Variants in PDLIM2 observed in about 807,000 individuals in gnomAD.
PDLIM2 encodes PDZ and LIM domain 2.
PDLIM2 carries 51 observed loss-of-function variants against 54.1 expected under a neutral mutation model. The observed-to-expected ratio is 0.94, with a 90% CI of 0.75 to 1.19. The LOEUF (loss-of-function observed/expected upper bound fraction) is 1.19. Ranked by LOEUF, PDLIM2 falls within the 50% of genes most tolerant of loss-of-function variation. PDLIM2 has a pLI of 0.00. For missense variants in PDLIM2, 912 were observed against 874.0 expected, an observed-to-expected ratio of 1.04 and a Z score of -0.55; for synonymous variants, 398 against 385.6, an observed-to-expected ratio of 1.03 and a Z score of -0.38.
exon 7 of PDLIM2, chr8:22,589,309 C>T (rs1446934188): frequency 2.2e-5 from 33 of 1,533,968 alleles, no homozygotes; most frequent in Non-Finnish European, 2.9e-5. Context: ...CCGGCCTCGG[C>T]CGCGCTGGCG....
Position 22,594,054 on chromosome 8 carries a change from A to G in PDLIM2, c.*144A>G, listed in dbSNP as rs1175919044. The G allele has an allele frequency of 4.8e-6, 7 of 1,447,882 alleles. No homozygotes were observed. In the African/African-American group the frequency reaches 7.1e-5, roughly 15 times the overall value. The allele number at this position is 1,447,882 out of a possible 1,614,324, so 89.7% of individuals were successfully genotyped here. ...CCCCTTTGTCCTCGCTGGGTGGGCCAAGGTCTGGGACCTGTCTTGGACTGT... is the reference window on the plus strand; with the variant it reads ...CCCCTTTGTCCTCGCTGGGTGGGCCGAGGTCTGGGACCTGTCTTGGACTGT... On this transcript the variant is annotated 3_prime_UTR_variant, in exon 10 of 10. Coordinates refer to ENST00000308354, the Ensembl canonical transcript of PDLIM2.
At chr8:22,591,165 C>A in intron 8 of PDLIM2, 1 of 270,676 alleles carries the variant, frequency 3.7e-6, no homozygotes, top group Admixed American at 5.1e-5. Flanking sequence ...GGCTTGAGAG[C>A]TCAGATGTGA....
chr8:22,579,568 C>G (rs1800131143), intron 1 of PDLIM2: 3 of 1,435,886 alleles, frequency 2.1e-6, no homozygotes, highest in Non-Finnish European at 1.8e-6. Flanking sequence ...GCCTCGGGGA[C>G]TGGGGTGGGG....
In PDLIM2 at chr8:22,579,703, G is replaced by C. The variant is rs1586917061; in HGVS notation, c.748+176G>C. The stretch of plus-strand genomic sequence containing the variant: ...TGCGTCCCCAGGGCAGCCCCAGGAT[G>C]GGTGCTGGGCAGGGTGGTGCCCAGC... On this transcript the variant is annotated intron_variant, in intron 1 of 9. Coordinates refer to ENST00000308354, the Ensembl canonical transcript of PDLIM2. 3 of 759,614 alleles carry C rather than the reference G, an allele frequency of 3.9e-6. No individual in the cohort carries two copies. The East Asian group carries it at 1.0e-4, about 26-fold the overall frequency. 47.1% of individuals were successfully genotyped at this position (759,614 alleles called of 1,614,324 possible).
chr8:22,585,936 G>A (rs1800370135), intron 6 of PDLIM2, among the ~76,000 whole-genome samples: 2 of 151,714 alleles, frequency 1.3e-5, no homozygotes, highest in South Asian at 4.2e-4. Context: ...CAGCTCCCCT[G>A]GACTCTCTTT....
At chr8:22,579,345 C>A in exon 1 of PDLIM2, 1 of 1,465,550 alleles carries the variant, frequency 6.8e-7, no homozygotes, top group African/African-American at 1.5e-5. Context: ...TGGAGCCTCG[C>A]ATCAGCGGGG....
rs757530477 is a variant in PDLIM2, at chr8:22,579,203, C to G, written c.424C>G (p.Arg142Gly). ...TCCCTCCCGGGCCTGGGCGCCCAGC[C>G]GGACAGGTGAGCGGCAGCCAGGTGA... The change falls in exon 1 of 10, where the codon CGG becomes GGG. Residue 142 changes from arginine (R) to glycine (G), a missense_variant. Coordinates refer to ENST00000308354, the Ensembl canonical transcript of PDLIM2. The G allele has an allele frequency of 6.9e-5, 95 of 1,386,150 alleles. No individual in the cohort carries two copies. The South Asian group carries it at 1.2e-3, about 17-fold the overall frequency. The allele number at this position is 1,386,150 out of a possible 1,614,324, so 85.9% of individuals were successfully genotyped here.
In PDLIM2 at chr8:22,581,474, C is replaced by T. The variant is rs148647415; in HGVS notation, c.939C>T (p.Ala313=). ...AAAGCGCGGAGGGCATGCTGCATGCCGAGGCCCAGAGCAAGATCCGCCAGA... is the reference window on the plus strand; with the variant it reads ...AAAGCGCGGAGGGCATGCTGCATGCTGAGGCCCAGAGCAAGATCCGCCAGA... Residue 313 remains alanine, a synonymous_variant, in exon 3 of 10, where the codon GCC becomes GCT. Coordinates refer to ENST00000308354, the Ensembl canonical transcript of PDLIM2. The T allele has an allele frequency of 2.3e-4, 368 of 1,605,792 alleles. 1 individual carries two copies. The highest frequency in any genetic ancestry group is 2.2e-4 in the Non-Finnish European group (265 of 1,177,980).
At chr8:22,589,494 AG>A in intron 7 of PDLIM2, 101 bp from the exon 7 acceptor site, 1 of 1,519,962 alleles carries the variant, frequency 6.6e-7, no homozygotes, top group Non-Finnish European at 8.9e-7. Context: ...TCCACCTCCC[AG>A]ATTCCTCCCC....
downstream of PDLIM2, chr8:22,594,432 T>C (rs1800639118): frequency 5.0e-6 from 8 of 1,589,708 alleles, no homozygotes; most frequent in Non-Finnish European, 6.9e-6. Flanking sequence ...CCCCTGCCAG[T>C]TGCCTGCACC....
At chr8:22,580,657 C>T (rs1340943292) in exon 2 of PDLIM2, 1 of 1,614,100 alleles carries the variant, frequency 6.2e-7, no homozygotes, top group Admixed American at 1.7e-5. Context: ...TTCCGTATCA[C>T]AGGGGGCAGG....
In PDLIM2 at chr8:22,591,675, G is replaced by T; in HGVS notation, c.1631+7G>T. 8 of 1,601,986 alleles carry T rather than the reference G, an allele frequency of 5.0e-6. No homozygotes were observed. The highest frequency in any genetic ancestry group is 6.8e-6 in the Non-Finnish European group (8 of 1,173,104). On this transcript the variant is annotated splice_region_variant and intron_variant, in intron 9 of 9. Coordinates refer to ENST00000308354, the Ensembl canonical transcript of PDLIM2. ...AGTGCAGTACCAGCATCGCGTGAGT[G>T]TGGAGGGGGGTGGGGGACCTGAGCC...
intron 9 of PDLIM2, 100 bp from the exon 9 acceptor site, chr8:22,593,633 A>G (rs1294439498): frequency 1.1e-6 from 1 of 906,326 alleles, no homozygotes; most frequent in Non-Finnish European, 1.6e-6. Flanking sequence ...TTTGGGCTCC[A>G]CCCAGGTCCT....
At position 22,582,346 on chromosome 8, in the gene PDLIM2, G is replaced by T. The variant is rs955647157; in HGVS notation, c.995+816G>T. On this transcript the variant is annotated intron_variant, in intron 3 of 9. Coordinates refer to ENST00000308354, the Ensembl canonical transcript of PDLIM2. ...CTCCCTTCATGTCATTCAGGTCCCT[G>T]GGTGTTTGCAGGAGCGGGACCCCAA... Among the ~76,000 whole-genome samples, 43 of 152,290 alleles carry T rather than the reference G, an allele frequency of 2.8e-4. 1 individual carries two copies. Among genetic ancestry groups the T allele is most frequent in the Admixed American group, 2.2e-3 (34 of 15,300 alleles).
At chr8:22,579,249 C>G in exon 1 of PDLIM2, 6 of 1,357,668 alleles carry the variant, frequency 4.4e-6, no homozygotes, top group Non-Finnish European at 5.6e-6. Context: ...CTGCGCCTCT[C>G]CGCGCGGCCC....
Position 22,584,170 on chromosome 8 carries a change from AT to A in PDLIM2, c.996-632del, listed in dbSNP as rs573417233. On this transcript the variant is annotated intron_variant, in intron 3 of 9. Coordinates refer to ENST00000308354, the Ensembl canonical transcript of PDLIM2. ...GCATGCGTCACTATGGCTTGGCTAA[AT>A]TTTTTTTTTTTTTTTTTTAATTAGA... 7.1e-3 allele frequency among the ~76,000 whole-genome samples: 985 copies of A among 139,520 alleles called. 2 individuals are homozygous for A. The highest frequency in any genetic ancestry group is 0.016 in the Middle Eastern group (4 of 258). 91.5% of individuals were successfully genotyped at this position (139,520 alleles called of 152,430 possible).
exon 10 of PDLIM2, chr8:22,594,038 C>T (rs1415581506): frequency 1.3e-5 from 19 of 1,454,414 alleles, no homozygotes; most frequent in Non-Finnish European, 1.4e-5. Flanking sequence ...GCCCCTTTGT[C>T]CTCGCTGGGT....
intron 3 of PDLIM2, among the ~76,000 whole-genome samples, chr8:22,582,397 G>A (rs1019959824): frequency 6.6e-6 from 1 of 152,112 alleles, no homozygotes; most frequent in African/African-American, 2.4e-5. Flanking sequence ...GCACCTCATG[G>A]CATCTGGGAA....
At chr8:22,593,916 C>T (rs1800624965) in exon 10 of PDLIM2, 2 of 1,548,028 alleles carry the variant, frequency 1.3e-6, no homozygotes, top group East Asian at 4.9e-5. Flanking sequence ...CCTGAGCCCG[C>T]CATGCCCTCA....
Sources: gnomAD v4.1 joint callset for allele counts (sites outside exome capture counted in the v4.1 genomes callset) on GRCh38, gnomAD v4.1.1 for gene constraint, MANE v1.5 for transcripts, NCBI Gene and HGNC (gene_info 2026-07-23, HGNC 2026-07-21) for gene names.